The following RFX1 variants were observed in gnomAD, a reference collection of about 807,000 sequenced individuals.
RFX1 encodes the protein MHC class II regulatory factor RFX1.
A neutral mutation model predicts 119.6 loss-of-function variants in RFX1; 42 were observed. The observed-to-expected ratio is 0.35, with a 90% confidence interval of 0.27 to 0.45. RFX1 has a LOEUF of 0.45. Ranked by LOEUF, RFX1 falls within the 20% of genes least tolerant of loss-of-function variation. RFX1 has a pLI of 1.00. For synonymous variants in RFX1, 628 were observed against 618.5 expected (o/e 1.02, Z -0.23); for missense variants, 1,118 against 1,368.1 (o/e 0.82, Z 2.88).
chr19:13,999,734 G>A (rs1192427117), intron 1 of RFX1, among the ~76,000 whole-genome samples: 1 of 151,498 alleles, frequency 6.6e-6, no homozygotes, highest in African/African-American at 2.4e-5. Context: ...GGAGTGCAAT[G>A]GCACAGTCTC....
At chr19:13,994,717 ATATGTGTGTG>A (rs1274498011) in intron 1 of RFX1, among the ~76,000 whole-genome samples, 19 of 108,314 alleles carry the variant, frequency 1.8e-4, no homozygotes, top group African/African-American at 6.6e-4. Flanking sequence ...GTCTAAATAT[ATATGTGTGTG>A]TGTGTGTGTG....
intron 1 of RFX1, among the ~76,000 whole-genome samples, chr19:14,005,152 C>T (rs1002318921): frequency 6.6e-6 from 1 of 152,174 alleles, no homozygotes; most frequent in African/African-American, 2.4e-5. Flanking sequence ...AGGAACAAAC[C>T]CCCGCAACCT....
intron 1 of RFX1, among the ~76,000 whole-genome samples, chr19:13,994,430 A>G (rs1328476123): frequency 2.6e-5 from 4 of 152,076 alleles, no homozygotes; most frequent in Non-Finnish European, 4.4e-5. Flanking sequence ...TAAAATGTCT[A>G]TTAGGCCGGG....
Position 13,965,308 on chromosome 19 carries a change from G to T in RFX1, c.2211+141C>A. 1 of 751,822 alleles carries T rather than the reference G, an allele frequency of 1.3e-6. No individual in the cohort carries two copies. The highest frequency in any genetic ancestry group is 2.3e-6 in the Non-Finnish European group (1 of 441,814). The allele number at this position is 751,822 out of a possible 1,614,324, so 46.6% of individuals were successfully genotyped here. A position where few individuals can be genotyped will look rare whatever the true frequency, so the allele number is the denominator to read the frequency against. ...AAAGACAATGCCCAGGGTGCTCCCC[G>T]AGGCGGAGAAGGTCTCCCCTTCCTC... On this transcript the variant is annotated intron_variant, in intron 16 of 20. Coordinates refer to ENST00000254325, the MANE Select transcript of RFX1 (RefSeq NM_002918.5). The surrounding 1 kb of genome is among the most constrained non-coding windows in gnomAD (Gnocchi z 4.7).
rs752714200 is a variant in RFX1, at chr19:13,964,401, T to TA, written c.2212-395dup. Among the ~76,000 whole-genome samples, 20 of 148,684 alleles carry TA rather than the reference T, an allele frequency of 1.3e-4. No homozygotes were observed. The East Asian group carries it at 1.4e-3, about 10-fold the overall frequency. ...CCAGGAAAGGCCTTTTTTTTTTTTT[T>TA]AAAAACGAAAGAACACAATAGATAA... On this transcript the variant is annotated intron_variant, in intron 16 of 20. Coordinates refer to ENST00000254325, the MANE Select transcript of RFX1 (RefSeq NM_002918.5).
rs1974386536 is a variant in RFX1, at chr19:13,980,323, A to G, written c.738+250T>C. Among the ~76,000 whole-genome samples the G allele has an allele frequency of 6.6e-6, 1 of 152,166 alleles. No homozygotes were observed. Among genetic ancestry groups the G allele is most frequent in the African/African-American group, 2.4e-5 (1 of 41,440 alleles). ...CAGGTGGCTTCTCCAAGCGGTTCCC[A>G]TGGCCCACTACGCCCCAGTCTCCTT... On this transcript the variant is annotated intron_variant, in intron 6 of 20. Transcript: ENST00000254325. The surrounding 1 kb of genome is among the most constrained non-coding windows in gnomAD (Gnocchi z 5.1).
At chr19:13,995,460 A>G (rs938569564) in intron 1 of RFX1, among the ~76,000 whole-genome samples, 2 of 152,088 alleles carry the variant, frequency 1.3e-5, no homozygotes, top group Non-Finnish European at 2.9e-5. Context: ...ATGTAAGCTC[A>G]TCAGTGGGAC....
chr19:13,980,565 C>G lies in RFX1; in HGVS notation c.738+8G>C. On this transcript the variant is annotated splice_region_variant and intron_variant, in intron 6 of 20. Transcript: ENST00000254325. This position sits in a 1 kb window ranked among gnomAD's most constrained non-coding sequence, Gnocchi z 5.1. ...TGGACCGAGCCACTGCCCGCCTTGG[C>G]CTGGCACCTCTTGGGTGACGGGGAC... 1 of 1,547,326 alleles carries G rather than the reference C, an allele frequency of 6.5e-7. No individual in the cohort carries two copies. Among genetic ancestry groups the G allele is most frequent in the Non-Finnish European group, 8.7e-7 (1 of 1,147,964 alleles).
At chr19:13,963,393 C>T in intron 18 of RFX1, 118 bp from the exon 19 acceptor site, 1 of 1,441,358 alleles carries the variant, frequency 6.9e-7, no homozygotes, top group Non-Finnish European at 9.3e-7. Flanking sequence ...CTGGATCCCG[C>T]ACAGCCTTCC....
In RFX1 at chr19:13,993,824, G is replaced by T; in HGVS notation, c.20C>A (p.Thr7Asn). The stretch of plus-strand genomic sequence containing the variant: ...TGGTGGCGGGGCTGCCTGTAGCTCA[G>T]TATACGCCTGTGTTGCCATGCCAAC... MATQAY[T>N]ELQAAPPPSQ... The change falls in exon 2 of 21, where the codon ACT becomes AAT. Residue 7 changes from threonine to asparagine, a missense_variant. Around this residue, in one of 5 missense-constraint regions of RFX1, gnomAD observed 542 missense variants for 602.7 expected, o/e 0.90. Transcript: ENST00000254325. 6.3e-7 allele frequency: 1 copy of T among 1,587,584 alleles called. No homozygotes were observed. The highest frequency in any genetic ancestry group is 8.5e-7 in the Non-Finnish European group (1 of 1,170,402).
At chr19:13,978,608 G>A (rs1178070984) in intron 7 of RFX1, among the ~76,000 whole-genome samples, 3 of 152,200 alleles carry the variant, frequency 2.0e-5, no homozygotes, top group African/African-American at 7.2e-5. Flanking sequence ...GGGCTTGGGT[G>A]GGGAGTCAGA....
Position 13,972,962 on chromosome 19 carries a change from G to C in RFX1, c.1095C>G (p.Val365=), listed in dbSNP as rs754182049. The stretch of plus-strand genomic sequence containing the variant: ...CCCCAGTGCTGGTGGAGCTGGCGAC[G>C]ACCTGGCTGCCGGACACGTACATGG... ...SMPMYVSGSQ[V]VASSTSTGAG... is the part of the protein sequence containing the mutation. The change falls in exon 9 of 21, where the codon GTC becomes GTG. Residue 365 remains valine, a synonymous_variant. Transcript: ENST00000254325. 2.5e-6 allele frequency: 4 copies of C among 1,599,432 alleles called. No individual in the cohort carries two copies. The African/African-American group carries it at 4.0e-5, about 16-fold the overall frequency.
At chr19:13,971,133 A>T (rs1974065629) in intron 9 of RFX1, among the ~76,000 whole-genome samples, 1 of 152,084 alleles carries the variant, frequency 6.6e-6, no homozygotes, top group African/African-American at 2.4e-5. Flanking sequence ...CAGAAGTTAG[A>T]GACCAGCCTG....
chr19:13,983,899 G>C (rs1301211850), intron 2 of RFX1, among the ~76,000 whole-genome samples: 1 of 152,204 alleles, frequency 6.6e-6, no homozygotes, highest in Non-Finnish European at 1.5e-5. Context: ...AACCCAGAAG[G>C]CTGGACCCTT....
chr19:13,983,455 TC>T, intron 3 of RFX1, 30 bp downstream of exon 3: 5 of 1,500,970 alleles, frequency 3.3e-6, no homozygotes, highest in South Asian at 2.6e-5. Context: ...TCCCGGGCCC[TC>T]CCCCACCCCC....
In RFX1 at chr19:13,989,865, G is replaced by C. The variant is rs557257731; in HGVS notation, c.319+3660C>G. Among the ~76,000 whole-genome samples the C allele has an allele frequency of 2.5e-3, 373 of 152,232 alleles. 1 individual carries two copies. Among genetic ancestry groups the C allele is most frequent in the Non-Finnish European group, 4.3e-3 (294 of 68,016 alleles). On this transcript the variant is annotated intron_variant, in intron 2 of 20. Coordinates refer to ENST00000254325, the MANE Select transcript of RFX1 (RefSeq NM_002918.5). ...GGGGTCATAGAAGTGGAAGAGGCGG[G>C]GGGGGTTCTGGAAGAGTTTAGGAGG...
intron 5 of RFX1, 44 bp downstream of exon 5, chr19:13,982,077 G>A (rs117461664): frequency 0.01 from 10,847 of 1,045,194 alleles, 65 homozygotes; most frequent in Non-Finnish European, 0.012. Flanking sequence ...TGCTGACCTC[G>A]GGAGACAGCA....
Position 13,984,355 on chromosome 19 carries a change from G to A in RFX1, c.320-760C>T, listed in dbSNP as rs117628635. On this transcript the variant is annotated intron_variant, in intron 2 of 20. Transcript: ENST00000254325. ...ACGACCTTGGGGCGCTAATCCCCCC[G>A]GTGGATGCAGAGAGCCTGCCTGCCC... Among the ~76,000 whole-genome samples, 253 of 152,032 alleles carry A rather than the reference G, an allele frequency of 1.7e-3. 2 individuals are homozygous for A. The East Asian group carries it at 0.025, about 15-fold the overall frequency.
chr19:13,995,164 C>CCAGG (rs1468808843), intron 1 of RFX1, among the ~76,000 whole-genome samples: 1 of 151,678 alleles, frequency 6.6e-6, no homozygotes, highest in Non-Finnish European at 1.5e-5. Context: ...GGTGCTTGCC[C>CCAGG]CAGGCCACAC....
Sources: gnomAD v4.1 joint callset for allele counts (sites outside exome capture counted in the v4.1 genomes callset) on GRCh38, gnomAD v4.1.1 for gene constraint, gnomAD v4.1.1 regional missense constraint, Gnocchi (gnomAD v3.1) non-coding constraint, MANE v1.5 for transcripts, NCBI Gene and HGNC (gene_info 2026-07-23, HGNC 2026-07-21) for gene names.